The following MAP3K11 variants were observed in gnomAD, a reference collection of about 807,000 sequenced individuals.
The protein encoded by MAP3K11 is SH3 domain-containing proline-rich kinase.
Under a neutral mutation model 84.9 loss-of-function variants are expected in MAP3K11, and 46 were observed. That is an observed-to-expected ratio of 0.54 (90% CI 0.43 to 0.69). The LOEUF is 0.69. Ranked by LOEUF, MAP3K11 falls within the 30% of genes least tolerant of loss-of-function variation. The pLI is 0.00. For missense variants in MAP3K11, 1,053 were observed against 1,198.3 expected (o/e 0.88, Z 1.79); for synonymous variants, 527 against 514.7 (o/e 1.02, Z -0.32).
chr11:65,609,742 TGGG>T (rs915604639), intron 1 of MAP3K11: 1 of 152,274 alleles, frequency 6.6e-6, no homozygotes, highest in African/African-American at 2.4e-5. Context: ...ACGGCTGTCA[TGGG>T]GGCAGCATAG....
chr11:65,606,052 C>T lies in MAP3K11; in HGVS notation c.1633G>A (p.Gly545Ser). ...LEPAEPGQAW[G>S]RQSPRRLEDS... ...TCCAGACGTCGGGGGGACTGGCGGC[C>T]CCATGCCTGGCCTGGCTCTGCAGGC... is the stretch of plus-strand genomic sequence containing the variant. Residue 545 changes from glycine to serine, a missense_variant, in exon 7 of 10, where the codon GGC becomes AGC. Gly to Ser is a moderately conservative substitution (Grantham distance 56). This residue lies in a region of MAP3K11 where 583 missense variants were observed against 566.6 expected (regional missense o/e 1.03). Coordinates refer to ENST00000309100, the MANE Select transcript of MAP3K11 (RefSeq NM_002419.4). 6.3e-7 allele frequency: 1 copy of T among 1,587,484 alleles called. No homozygotes were observed. The highest frequency in any genetic ancestry group is 1.1e-5 in the South Asian group (1 of 88,688).
In MAP3K11 at chr11:65,613,777, A is replaced by G; in HGVS notation, c.-21T>C. ...TCCATGGCCGGGAGCCGGCGCTGGG[A>G]TGTGTGGAGGACCTTCTCTGGGTGC... On this transcript the variant is annotated 5_prime_UTR_variant, in exon 1 of 10. Transcript: ENST00000309100. The G allele has an allele frequency of 6.6e-7, 1 of 1,525,174 alleles. No homozygotes were observed. Among genetic ancestry groups the G allele is most frequent in the Non-Finnish European group, 8.8e-7 (1 of 1,140,100 alleles). 94.5% of individuals were successfully genotyped at this position (1,525,174 alleles called of 1,614,324 possible). A position where few individuals can be genotyped will look rare whatever the true frequency, so the allele number is the denominator to read the frequency against.
rs4326800 is a variant in MAP3K11 at position 65,599,782 on chromosome 11, C to T, written c.1832-14G>A. The T allele has an allele frequency of 0.24, 373,794 of 1,590,098 alleles. 46,640 individuals carry two copies. The highest frequency in any genetic ancestry group is 0.3 in the Middle Eastern group (1,431 of 4,842). ...GCGGGGGGTTACCTGCGGGCAGAGG[C>T]GGCACAGGTGAGGGTGTGGCTGGTG... On this transcript the variant is annotated splice_polypyrimidine_tract_variant and intron_variant, in intron 8 of 9. Coordinates refer to ENST00000309100, the MANE Select transcript of MAP3K11 (RefSeq NM_002419.4).
chr11:65,613,388 G>T lies in MAP3K11; in HGVS notation c.369C>A (p.Ile123=), dbSNP rs1313935587. The part of the protein sequence containing the change: ...SFQELRLEEV[I]GIGGFGKVYR... Reference sequence around the variant, plus strand: ...ACACCTTGCCAAAGCCTCCAATGCCGATCACCTCCTCCAGCCGCAGCTCCT... The same window carrying T: ...ACACCTTGCCAAAGCCTCCAATGCCTATCACCTCCTCCAGCCGCAGCTCCT... The change falls in exon 1 of 10, where the codon ATC becomes ATA. Residue 123 remains isoleucine, a synonymous_variant. Coordinates refer to ENST00000309100, the MANE Select transcript of MAP3K11 (RefSeq NM_002419.4). 28 of 1,612,622 alleles carry T rather than the reference G, an allele frequency of 1.7e-5. No individual in the cohort carries two copies. The highest frequency in any genetic ancestry group is 2.2e-5 in the Non-Finnish European group (26 of 1,179,826).
intron 8 of MAP3K11, among the ~76,000 whole-genome samples, chr11:65,600,954 A>G (rs532341547): frequency 1.3e-5 from 2 of 152,240 alleles, no homozygotes; most frequent in South Asian, 4.2e-4. Flanking sequence ...TCTGCCTCTT[A>G]CCTCACCCAA....
intron 1 of MAP3K11, chr11:65,610,595 A>C (rs1854561514): frequency 6.6e-6 from 1 of 152,278 alleles, no homozygotes; most frequent in South Asian, 2.1e-4. Context: ...GAAACACAGC[A>C]GGCTGGGGCA....
intron 8 of MAP3K11, 113 bp from the exon 9 acceptor site, chr11:65,599,881 C>G: frequency 8.5e-7 from 1 of 1,172,420 alleles, no homozygotes; most frequent in Non-Finnish European, 1.2e-6. Flanking sequence ...CTACTAGCAT[C>G]TTCCCTGGTC....
At position 65,598,608 on chromosome 11, in the gene MAP3K11, G is replaced by T. The variant is rs762717646; in HGVS notation, c.2227C>A (p.Pro743Thr). The change falls in exon 10 of 10, where the codon CCG becomes ACG. Residue 743 changes from proline to threonine, a missense_variant. Around this residue, in one of 3 missense-constraint regions of MAP3K11, gnomAD observed 583 missense variants for 566.6 expected, o/e 1.03. Coordinates refer to ENST00000309100, the MANE Select transcript of MAP3K11 (RefSeq NM_002419.4). Reference protein sequence around the residue: ...EPRGGTVSPPPGTSRSAPGTP... With the variant: ...EPRGGTVSPPTGTSRSAPGTP... ...CCAGGAGCAGAGCGTGATGTCCCCGGTGGGGGTGAGACAGTGCCTCCTGTG... is the reference window on the plus strand; with the variant it reads ...CCAGGAGCAGAGCGTGATGTCCCCGTTGGGGGTGAGACAGTGCCTCCTGTG... 6.5e-6 allele frequency: 10 copies of T among 1,546,272 alleles called. No homozygotes were observed. In the African/African-American group the frequency reaches 1.1e-4, roughly 17 times the overall value.
Position 65,598,646 on chromosome 11 carries a change from G to A in MAP3K11, c.2207-18C>T, listed in dbSNP as rs766105925. On this transcript the variant is annotated intron_variant, in intron 9 of 9. Coordinates refer to ENST00000309100, the MANE Select transcript of MAP3K11 (RefSeq NM_002419.4). ...AGTGCCTCCTGTGAGGATATAGGAG[G>A]GGCACAGGGTCAAGCAACCCCCAAC... 27 of 1,467,422 alleles carry A rather than the reference G, an allele frequency of 1.8e-5. No individual in the cohort carries two copies. Among genetic ancestry groups the A allele is most frequent in the Non-Finnish European group, 2.3e-5 (25 of 1,101,042 alleles). The allele number at this position is 1,467,422 out of a possible 1,614,324, so 90.9% of individuals were successfully genotyped here.
chr11:65,599,205 A>G (rs951754100), intron 9 of MAP3K11, among the ~76,000 whole-genome samples, 189 bp downstream of exon 9: 6 of 152,084 alleles, frequency 3.9e-5, no homozygotes, highest in Non-Finnish European at 7.4e-5. Flanking sequence ...ACCTGCCTGG[A>G]CCACCTGATA....
Position 65,607,498 on chromosome 11 carries a change from C to A in MAP3K11, c.1261G>T (p.Glu421Ter). 6.4e-7 allele frequency: 1 copy of A among 1,573,618 alleles called. No individual in the cohort carries two copies. The highest frequency in any genetic ancestry group is 8.6e-7 in the Non-Finnish European group (1 of 1,168,292). Residue 421 changes from glutamate (E) to a stop codon, truncating the protein, a stop_gained, in exon 5 of 10, where the codon GAG becomes TAG. Transcript: ENST00000309100. LOFTEE classifies it high-confidence loss of function. ...RAKEKELLSR[E>*]EELTRAAREQ... ...CGCGCCGCTCGCGTCAGCTCCTCCT[C>A]GCGGCTCAGTAGTTCCTGCGCCCGA... is the stretch of plus-strand genomic sequence containing the variant.
Position 65,613,081 on chromosome 11 carries a change from T to A in MAP3K11, c.676A>T (p.Met226Leu). The A allele has an allele frequency of 6.5e-7, 1 of 1,539,982 alleles. No homozygotes were observed. The highest frequency in any genetic ancestry group is 8.7e-7 in the Non-Finnish European group (1 of 1,143,046). The part of the protein sequence containing the change: ...VNWAVQIARG[M>L]HYLHCEALVP... ...AGGGCCTCGCAGTGCAGGTAGTGCATCCCACGGGCAATCTGCACAGCCCAG... is the reference window on the plus strand; with the variant it reads ...AGGGCCTCGCAGTGCAGGTAGTGCAACCCACGGGCAATCTGCACAGCCCAG... The change falls in exon 1 of 10, where the codon ATG (methionine) becomes TTG (leucine). Residue 226 changes from methionine to leucine, a missense_variant. By Grantham distance (15) the Met-to-Leu change is conservative (BLOSUM62 2). Coordinates refer to ENST00000309100, the MANE Select transcript of MAP3K11 (RefSeq NM_002419.4).
At chr11:65,600,556 C>T (rs1277516026) in intron 8 of MAP3K11, among the ~76,000 whole-genome samples, 1 of 152,168 alleles carries the variant, frequency 6.6e-6, no homozygotes, top group African/African-American at 2.4e-5. Context: ...CAGACTCTGC[C>T]CTAGATTTCA....
At position 65,613,827 on chromosome 11, in the gene MAP3K11, G is replaced by A. The variant is rs927828464; in HGVS notation, c.-71C>T. ...CCCGTGGTCCCCACCCCCGCTGGCT[G>A]CCAAGGCCCTAGTCCCGGAACCTGG... is the stretch of plus-strand genomic sequence containing the variant. On this transcript the variant is annotated 5_prime_UTR_variant, in exon 1 of 10. Transcript: ENST00000309100. The A allele has an allele frequency of 9.0e-6, 13 of 1,444,152 alleles. No individual in the cohort carries two copies. The highest frequency in any genetic ancestry group is 1.1e-5 in the Non-Finnish European group (12 of 1,098,794). The allele number at this position is 1,444,152 out of a possible 1,614,324, so 89.5% of individuals were successfully genotyped here.
intron 2 of MAP3K11, 83 bp from the exon 3 acceptor site, chr11:65,608,153 G>A: frequency 6.3e-7 from 1 of 1,596,736 alleles, no homozygotes; most frequent in Non-Finnish European, 8.6e-7. Context: ...AAAGCAACTA[G>A]GAGCCAAGTG....
intron 8 of MAP3K11, among the ~76,000 whole-genome samples, chr11:65,600,109 C>CCAG (rs1362283981): frequency 1.3e-5 from 2 of 152,210 alleles, no homozygotes; most frequent in Admixed American, 6.5e-5. Flanking sequence ...ACCTCCAGGC[C>CCAG]CAGGGGCATG....
Position 65,605,608 on chromosome 11 carries a change from G to A in MAP3K11, c.1831+153C>T, listed in dbSNP as rs543201238. On this transcript the variant is annotated intron_variant, in intron 8 of 9. Coordinates refer to ENST00000309100, the MANE Select transcript of MAP3K11 (RefSeq NM_002419.4). ...TAGGTCAGACCTGGGTTCCAGGATC[G>A]GCTCTGTCTTGTCTCAGCCTTGGTT... 7.3e-5 allele frequency: 42 copies of A among 577,440 alleles called. 1 individual carries two copies. The South Asian group carries it at 7.7e-4, about 11-fold the overall frequency. The allele number at this position is 577,440 out of a possible 1,614,324, so 35.8% of individuals were successfully genotyped here.
Position 65,612,738 on chromosome 11 carries a change from A to C in MAP3K11, c.739+280T>G, listed in dbSNP as rs1590859115. The C allele has an allele frequency of 1.2e-5, 4 of 342,646 alleles. No individual in the cohort carries two copies. The South Asian group carries it at 5.0e-4, about 43-fold the overall frequency. 21.2% of individuals were successfully genotyped at this position (342,646 alleles called of 1,614,324 possible). A position where few individuals can be genotyped will look rare whatever the true frequency, so the allele number is the denominator to read the frequency against. ...GAGGTGGGAGCCATGGCTGGGCAGG[A>C]TGCTTATGGCCCACCTGAGAGATAC... On this transcript the variant is annotated intron_variant, in intron 1 of 9. Transcript: ENST00000309100.
chr11:65,607,485 G>A lies in MAP3K11; in HGVS notation c.1274C>T (p.Thr425Met). The change falls in exon 5 of 10, where the codon ACG becomes ATG. Residue 425 changes from threonine to methionine, a missense_variant. Thr to Met is a moderately conservative substitution (Grantham distance 81). Transcript: ENST00000309100. ...KELLSREEELTRAAREQRSQA... is the reference protein window; with the variant it reads ...KELLSREEELMRAAREQRSQA... ...TGACCGCTGCTCGCGCGCCGCTCGC[G>A]TCAGCTCCTCCTCGCGGCTCAGTAG... 2 of 1,572,026 alleles carry A rather than the reference G, an allele frequency of 1.3e-6. No homozygotes were observed. The highest frequency in any genetic ancestry group is 1.4e-5 in the African/African-American group (1 of 73,972).
Sources: gnomAD v4.1 joint callset for allele counts (sites outside exome capture counted in the v4.1 genomes callset) on GRCh38, gnomAD v4.1.1 for gene constraint, gnomAD v4.1.1 regional missense constraint, MANE v1.5 for transcripts, NCBI Gene and HGNC (gene_info 2026-07-23, HGNC 2026-07-21) for gene names.